Variants in CDC20B observed in about 807,000 individuals in gnomAD.
CDC20B encodes cell division cycle 20B, also known as cell division cycle protein 20 homolog B.
Under a neutral mutation model 64.1 loss-of-function variants are expected in CDC20B, and 58 were observed. The observed-to-expected ratio is 0.90, with a 90% CI of 0.73 to 1.13. The LOEUF (loss-of-function observed/expected upper bound fraction) is 1.13, where lower values mean the gene tolerates loss of function less well. Ranked by LOEUF, CDC20B falls within the 50% of genes most tolerant of loss-of-function variation. The probability of loss-of-function intolerance (pLI) is 0.00; values close to 1 mark genes in which losing one functional copy is unlikely to be tolerated. For missense variants in CDC20B, 597 were observed against 633.0 expected, an observed-to-expected ratio of 0.94 and a Z score of 0.61; for synonymous variants, 243 against 230.6, an observed-to-expected ratio of 1.05 and a Z score of -0.49.
chr5:55,134,536 C>A (rs1258227781), intron 5 of CDC20B, among the ~76,000 whole-genome samples: 1 of 152,110 alleles, frequency 6.6e-6, no homozygotes, highest in African/African-American at 2.4e-5. Flanking sequence ...CTGAGGCAGG[C>A]AGATTGCCTG....
At chr5:55,172,460 G>T in intron 2 of CDC20B, 128 bp downstream of exon 2, 1 of 713,254 alleles carries the variant, frequency 1.4e-6, no homozygotes, top group Non-Finnish European at 2.4e-6. Context: ...TTTTTAGTAT[G>T]TAATAAGATA....
intron 11 of CDC20B, among the ~76,000 whole-genome samples, chr5:55,115,846 TCTC>T (rs1268720442): frequency 2.0e-5 from 3 of 151,984 alleles, no homozygotes; most frequent in African/African-American, 4.8e-5. Flanking sequence ...CTCCCAACAC[TCTC>T]CTTTGTGCCT....
intron 2 of CDC20B, among the ~76,000 whole-genome samples, chr5:55,155,641 T>C (rs1561299792): frequency 6.6e-6 from 1 of 152,222 alleles, no homozygotes; most frequent in Non-Finnish European, 1.5e-5. Context: ...CCCATCCTAG[T>C]AGGCAATATG....
chr5:55,155,948 C>T (rs559718403), intron 2 of CDC20B, among the ~76,000 whole-genome samples: 162 of 152,322 alleles, frequency 1.1e-3, no homozygotes, highest in African/African-American at 3.8e-3. Context: ...AAAATGCCTC[C>T]TCACGAATGA....
At position 55,114,173 on chromosome 5, in the gene CDC20B, T is replaced by C; in HGVS notation, c.*45A>G. On this transcript the variant is annotated 3_prime_UTR_variant, in exon 12 of 12. Coordinates refer to ENST00000381375, the MANE Select transcript of CDC20B (RefSeq NM_001170402.1). The surrounding 1 kb of genome is among the most constrained non-coding windows in gnomAD (Gnocchi z 4.1). ...GGAGAAGACATAGCCAACATCATCA[T>C]CTTCACTCAGAAATAAGGAAACTGA... is the stretch of plus-strand genomic sequence containing the variant. 1 of 1,588,278 alleles carries C rather than the reference T, an allele frequency of 6.3e-7. No individual in the cohort carries two copies. The highest frequency in any genetic ancestry group is 1.7e-4 in the Middle Eastern group (1 of 6,016).
intron 5 of CDC20B, chr5:55,137,248 T>C (rs182858): frequency 0.6 from 137,775 of 228,592 alleles, 42,374 homozygotes; most frequent in Admixed American, 0.7. Flanking sequence ...CTTCTAGAAA[T>C]TGCCACAGGC....
chr5:55,154,909 TG>T (rs2111912817), intron 2 of CDC20B, among the ~76,000 whole-genome samples: 1 of 152,344 alleles, frequency 6.6e-6, no homozygotes, highest in African/African-American at 2.4e-5. Context: ...TATACAGATA[TG>T]GCAAAATCAC....
chr5:55,118,679 G>A (rs141454156), intron 11 of CDC20B, among the ~76,000 whole-genome samples: 1 of 152,280 alleles, frequency 6.6e-6, no homozygotes, highest in African/African-American at 2.4e-5. Flanking sequence ...ATTGACTCAT[G>A]CTCTTCCTAC....
intron 2 of CDC20B, among the ~76,000 whole-genome samples, chr5:55,163,448 T>G (rs1744199561): frequency 6.6e-6 from 1 of 152,132 alleles, no homozygotes; most frequent in Non-Finnish European, 1.5e-5. Context: ...TTGCCTGGTG[T>G]GGTGGCACAC....
intron 2 of CDC20B, chr5:55,164,062 A>G (rs143602859): frequency 3.0e-4 from 479 of 1,574,644 alleles, no homozygotes; most frequent in Middle Eastern, 2.0e-3. Context: ...TAGATTCTTC[A>G]AAGAAGGAAC....
Position 55,140,361 on chromosome 5 carries a change from G to A in CDC20B, c.533C>T (p.Ala178Val), listed in dbSNP as rs1261911013. The A allele has an allele frequency of 6.2e-6, 10 of 1,613,450 alleles. No homozygotes were observed. Among genetic ancestry groups the A allele is most frequent in the Non-Finnish European group, 7.6e-6 (9 of 1,179,706 alleles). ...CTCACAGAGCTGCATTTTTCCATTA[G>A]CCTGCTGAACCACGTTCTGGGTTAC... ...LFVTQNVVQQ[A>V]NGKMQLCEQS... Residue 178 changes from alanine to valine, a missense_variant, in exon 5 of 12, where the codon GCT (alanine) becomes GTT (valine). This residue lies in a region of CDC20B where 241 missense variants were observed against 219.2 expected (regional missense o/e 1.10). Transcript: ENST00000381375.
At chr5:55,170,541 A>G (rs1744562765) in intron 2 of CDC20B, 1 of 534,836 alleles carries the variant, frequency 1.9e-6, no homozygotes, top group South Asian at 1.4e-5. Flanking sequence ...TTGTATATGC[A>G]ATAAGACAGC....
chr5:55,120,150 C>A (rs947028611), intron 10 of CDC20B, among the ~76,000 whole-genome samples: 1 of 152,104 alleles, frequency 6.6e-6, no homozygotes, highest in Non-Finnish European at 1.5e-5. Flanking sequence ...GAACTGTGAT[C>A]ATTGGCCAGG....
intron 2 of CDC20B, chr5:55,161,334 T>C: frequency 7.5e-7 from 1 of 1,330,412 alleles, no homozygotes; most frequent in Non-Finnish European, 1.0e-6. Flanking sequence ...ACTTTCCTAT[T>C]TCATTTGAAA....
intron 4 of CDC20B, among the ~76,000 whole-genome samples, chr5:55,142,957 A>G (rs1394900623): frequency 6.6e-6 from 1 of 152,202 alleles, no homozygotes; most frequent in Non-Finnish European, 1.5e-5. Context: ...TGCTGTTGAT[A>G]TTTAATGTGC....
At chr5:55,134,845 G>A (rs1743121035) in intron 5 of CDC20B, among the ~76,000 whole-genome samples, 1 of 152,180 alleles carries the variant, frequency 6.6e-6, no homozygotes, top group Admixed American at 6.5e-5. Context: ...ATGACATTCT[G>A]GAAAAGGAAA....
At chr5:55,140,823 T>C (rs1743309047) in intron 4 of CDC20B, among the ~76,000 whole-genome samples, 3 of 152,184 alleles carry the variant, frequency 2.0e-5, no homozygotes, top group Admixed American at 6.5e-5. Flanking sequence ...TAAAATTCCA[T>C]GTGCACAAAA....
intron 3 of CDC20B, 105 bp from the exon 4 acceptor site, chr5:55,143,748 G>T: frequency 8.6e-7 from 1 of 1,158,094 alleles, no homozygotes; most frequent in Non-Finnish European, 1.2e-6. Flanking sequence ...GAGTGAAAAA[G>T]CCCAGGCTCT....
At chr5:55,143,817 C>T (rs1007791236) in intron 3 of CDC20B, among the ~76,000 whole-genome samples, 174 bp from the exon 4 acceptor site, 1 of 152,108 alleles carries the variant, frequency 6.6e-6, no homozygotes, top group South Asian at 2.1e-4. Flanking sequence ...AGGCTCTCGT[C>T]GCTCCAAAGT....
Sources: gnomAD v4.1 joint callset for allele counts (sites outside exome capture counted in the v4.1 genomes callset) on GRCh38, gnomAD v4.1.1 for gene constraint, gnomAD v4.1.1 regional missense constraint, Gnocchi (gnomAD v3.1) non-coding constraint, MANE v1.5 for transcripts, NCBI Gene and HGNC (gene_info 2026-07-23, HGNC 2026-07-21) for gene names.